BEST1: variants seen among roughly 807,000 people sequenced by gnomAD.
BEST1 encodes bestrophin-1.
Under a neutral mutation model 63.3 loss-of-function variants are expected in BEST1, and 58 were observed. The ratio of observed to expected loss-of-function variants is 0.92; its 90% confidence interval spans 0.74 to 1.14. BEST1 has a LOEUF of 1.14. BEST1 is among the 50% of genes most tolerant of loss of function. The pLI, the probability that BEST1 is intolerant of heterozygous loss-of-function variation, is 0.00. For synonymous variants in BEST1, 283 were observed against 291.6 expected (o/e 0.97, Z 0.30); for missense variants, 671 against 740.1 (o/e 0.91, Z 1.08).
intron 3 of BEST1, 65 bp from the exon 4 acceptor site, chr11:61,955,653 G>A (rs1941233383): frequency 6.7e-7 from 1 of 1,485,722 alleles, no homozygotes; most frequent in Non-Finnish European, 9.2e-7. Flanking sequence ...ATCGCCGGGC[G>A]CTGGGCCCTG....
intron 3 of BEST1, chr11:61,955,436 C>T (rs1462924972): frequency 5.7e-6 from 8 of 1,397,626 alleles, no homozygotes; most frequent in South Asian, 4.5e-5. Context: ...CTGAGGGAAG[C>T]GCTGACATCA....
At chr11:61,953,342 A>C (rs1384939802) in intron 2 of BEST1, among the ~76,000 whole-genome samples, 2 of 151,954 alleles carry the variant, frequency 1.3e-5, no homozygotes, top group African/African-American at 4.8e-5. Flanking sequence ...TTGGGAGGCC[A>C]AGGCAGGAGG....
intron 10 of BEST1, 22 bp downstream of exon 10, chr11:61,962,915 G>A (rs368170404): frequency 3.1e-6 from 5 of 1,614,070 alleles, no homozygotes; most frequent in Middle Eastern, 1.6e-4. Flanking sequence ...ACCTGAACCA[G>A]GGGCACTGCA....
downstream of BEST1, chr11:61,964,692 G>C: frequency 6.3e-7 from 1 of 1,596,446 alleles, no homozygotes; most frequent in Non-Finnish European, 8.5e-7. Context: ...GACCAGGGAA[G>C]TCACCCCACG....
Position 61,962,881 on chromosome 11 carries a change from C to A in BEST1, c.1727C>A (p.Ala576Asp). The change falls in exon 10 of 11, where the codon GCC (alanine) becomes GAC (aspartate). Residue 576 changes from alanine (A) to aspartate (D), a missense_variant. Ala to Asp is a moderately radical substitution (Grantham distance 126). Coordinates refer to ENST00000378043, the MANE Select transcript of BEST1 (RefSeq NM_004183.4). ...TLKDHMDPYW[A>D]LENRDEAHS The stretch of plus-strand genomic sequence containing the variant: ...AAAGATCACATGGATCCTTATTGGG[C>A]CTTGGAAAACAGGTCTGTCCTCCAC... 1 of 1,614,140 alleles carries A rather than the reference C, an allele frequency of 6.2e-7. No individual in the cohort carries two copies. The highest frequency in any genetic ancestry group is 1.3e-5 in the African/African-American group (1 of 75,058).
chr11:61,953,917 A>AC (rs10680162), intron 2 of BEST1, among the ~76,000 whole-genome samples: 3 of 151,194 alleles, frequency 2.0e-5, no homozygotes, highest in African/African-American at 7.3e-5. Flanking sequence ...AAACAAACAA[A>AC]AACCAATAAA....
At chr11:61,964,795 GC>G, downstream of BEST1, 1 of 1,599,982 alleles carries the variant, frequency 6.3e-7, no homozygotes, top group East Asian at 2.2e-5. Context: ...CCAGATTCGG[GC>G]GCTCCCATCT....
chr11:61,963,490 A>C (rs1322431057), intron 10 of BEST1: 6 of 1,074,432 alleles, frequency 5.6e-6, no homozygotes, highest in Non-Finnish European at 6.8e-6. Flanking sequence ...AGCTGTCACA[A>C]AATCAGATAT....
At chr11:61,964,594 T>C, downstream of BEST1, 8 of 1,009,178 alleles carry the variant, frequency 7.9e-6, no homozygotes, top group Admixed American at 2.0e-5. Flanking sequence ...TTTGAAGGAA[T>C]GGTACAAATC....
rs765604572 is a variant in BEST1, at chr11:61,962,484, G to A, written c.1330G>A (p.Ala444Thr). ...QNVRGQEDNK[A>T]WKLKAVDAFK... ...CGTTAGGGGCCAGGAAGACAACAAGGCCTGGAAGCTTAAGGCTGTGGACGC... is the reference window on the plus strand; with the variant it reads ...CGTTAGGGGCCAGGAAGACAACAAGACCTGGAAGCTTAAGGCTGTGGACGC... Residue 444 changes from alanine (A) to threonine (T), a missense_variant, in exon 10 of 11, where the codon GCC becomes ACC. Physicochemically the swap from Ala to Thr is moderately conservative, Grantham distance 58 (BLOSUM62 0). Transcript: ENST00000378043. 19 of 1,614,082 alleles carry A rather than the reference G, an allele frequency of 1.2e-5. No homozygotes were observed. Among genetic ancestry groups the A allele is most frequent in the East Asian group, 2.2e-5 (1 of 44,890 alleles).
At chr11:61,963,470 G>T in intron 10 of BEST1, 1 of 1,104,034 alleles carries the variant, frequency 9.1e-7, no homozygotes, top group Non-Finnish European at 1.1e-6. Flanking sequence ...CTTCCTTGGG[G>T]TCAGCCCAAA....
chr11:61,952,303 AAGAGAG>A (rs35510371), intron 2 of BEST1, among the ~76,000 whole-genome samples: 159 of 147,184 alleles, frequency 1.1e-3, no homozygotes, highest in Middle Eastern at 3.5e-3. Context: ...TACATTAAAA[AAGAGAG>A]AGAGAGAGAG....
Position 61,962,727 on chromosome 11 carries a change from G to A in BEST1, c.1573G>A (p.Glu525Lys), listed in dbSNP as rs777521168. ...CTCAGAGAGCGATGGGGCCTTGATG[G>A]AGCACCCAGAAGTATCTCAAGTGAG... ...LLSESDGALM[E>K]HPEVSQVRRK... Residue 525 changes from glutamate to lysine, a missense_variant, in exon 10 of 11, where the codon GAG becomes AAG. By Grantham distance (56) the Glu-to-Lys change is moderately conservative. Transcript: ENST00000378043. 6.2e-6 allele frequency: 10 copies of A among 1,614,216 alleles called. No individual in the cohort carries two copies. The South Asian group carries it at 1.1e-4, about 18-fold the overall frequency.
chr11:61,955,833 C>A lies in BEST1; in HGVS notation c.363C>A (p.Gly121=). ...TCGTCGAAGGCAAGGACGAGCAAGG[C>A]CGGCTGCTGCGGCGCACGCTCATCC... is the stretch of plus-strand genomic sequence containing the variant. ...SGFVEGKDEQ[G]RLLRRTLIRY... The change falls in exon 4 of 11, where the codon GGC becomes GGA. Residue 121 remains glycine, a synonymous_variant. Transcript: ENST00000378043. The A allele has an allele frequency of 6.4e-7, 1 of 1,550,490 alleles. No individual in the cohort carries two copies.
At chr11:61,959,713 T>C in intron 8 of BEST1, 135 bp downstream of exon 8, 2 of 1,292,630 alleles carry the variant, frequency 1.5e-6, no homozygotes, top group Non-Finnish European at 2.2e-6. Flanking sequence ...AGCCAGTCAT[T>C]CACTCACAGG....
chr11:61,956,069 C>A, intron 4 of BEST1, 118 bp downstream of exon 4: 2 of 1,069,988 alleles, frequency 1.9e-6, no homozygotes, highest in Non-Finnish European at 2.7e-6. Context: ...TTGGGTGGAG[C>A]CAGGAGTGGG....
chr11:61,957,981 C>CAAACAAAG, intron 6 of BEST1, among the ~76,000 whole-genome samples, 165 bp from the exon 7 acceptor site: 1 of 151,594 alleles, frequency 6.6e-6, no homozygotes, highest in East Asian at 2.0e-4. Context: ...CTCAAACAAA[C>CAAACAAAG]AAACAAACAA....
chr11:61,964,331 T>A lies in BEST1; in HGVS notation c.*209T>A. The A allele has an allele frequency of 1.0e-6, 1 of 985,540 alleles. No individual in the cohort carries two copies. Among genetic ancestry groups the A allele is most frequent in the Non-Finnish European group, 1.5e-6 (1 of 685,472 alleles). The allele number at this position is 985,540 out of a possible 1,614,324, so 61.0% of individuals were successfully genotyped here. ...TTCATAAAAACTGTGAAAGCTAGACTGAACCATTGGAAACATTTAACTCAG... is the reference window on the plus strand; with the variant it reads ...TTCATAAAAACTGTGAAAGCTAGACAGAACCATTGGAAACATTTAACTCAG... On this transcript the variant is annotated 3_prime_UTR_variant, in exon 11 of 11. Coordinates refer to ENST00000378043, the MANE Select transcript of BEST1 (RefSeq NM_004183.4).
In BEST1 at chr11:61,956,933, C is replaced by G. The variant is rs1240132411; in HGVS notation, c.571C>G (p.Leu191Val). Residue 191 changes from leucine (L) to valine (V), a missense_variant, in exon 5 of 11, where the codon CTG becomes GTG. Leu to Val is a conservative substitution (Grantham distance 32). Transcript: ENST00000378043. ...GGTGCCCTGGGTGTGGTTTGCCAAC[C>G]TGTCAATGAAGGCGTGGCTTGGAGG... ...FWVPWVWFAN[L>V]SMKAWLGGRI... 1 of 1,614,152 alleles carries G rather than the reference C, an allele frequency of 6.2e-7. No individual in the cohort carries two copies. The highest frequency in any genetic ancestry group is 8.5e-7 in the Non-Finnish European group (1 of 1,180,032).
Sources: gnomAD v4.1 joint callset for allele counts (sites outside exome capture counted in the v4.1 genomes callset) on GRCh38, gnomAD v4.1.1 for gene constraint, MANE v1.5 for transcripts, NCBI Gene and HGNC (gene_info 2026-07-23, HGNC 2026-07-21) for gene names.